The following POLN variants were observed in gnomAD, a reference collection of about 807,000 sequenced individuals.
The protein encoded by POLN is DNA polymerase nu, also known as DNA polymerase N.
In POLN, 108 loss-of-function variants were observed where a neutral mutation model predicts 113.5. The observed-to-expected ratio is 0.95, with a 90% CI of 0.81 to 1.12. POLN has a LOEUF of 1.12. POLN is among the 50% of genes most tolerant of loss of function. The pLI is 0.00. For missense variants in POLN, 1,097 were observed against 1,077.1 expected, an observed-to-expected ratio of 1.02 and a Z score of -0.26; for synonymous variants, 386 against 391.5, an observed-to-expected ratio of 0.99 and a Z score of 0.17.
At chr4:2,240,950 T>C (rs2108781840) in intron 2 of POLN, 1 of 1,583,084 alleles carries the variant, frequency 6.3e-7, no homozygotes, top group East Asian at 2.2e-5. Flanking sequence ...AACTCATGGT[T>C]TTAACTACCC....
Position 2,240,047 on chromosome 4 carries a change from T to C in POLN, c.-13+1473A>G, listed in dbSNP as rs201154099. On this transcript the variant is annotated intron_variant, in intron 2 of 25. Transcript: ENST00000511885. ...CATTTCTTATGCTTACCTTGCTGGT[T>C]AGGCTGTGAAGACTCTCCTCTGCCC... is the stretch of plus-strand genomic sequence containing the variant. 4.0e-5 allele frequency: 64 copies of C among 1,612,420 alleles called. No individual in the cohort carries two copies. In the East Asian group the frequency reaches 1.4e-3, roughly 35 times the overall value.
At chr4:2,142,542 C>T (rs896448135) in intron 16 of POLN, among the ~76,000 whole-genome samples, 5 of 152,188 alleles carry the variant, frequency 3.3e-5, no homozygotes, top group South Asian at 2.1e-4. Flanking sequence ...GGAGAAAATA[C>T]GGCAGACTGG....
At chr4:2,076,193 GGGT>G (rs1730270394) in intron 23 of POLN, among the ~76,000 whole-genome samples, 2 of 152,188 alleles carry the variant, frequency 1.3e-5, no homozygotes, top group South Asian at 4.1e-4. Flanking sequence ...CAGGTCCCTG[GGGT>G]GGGGCTCACA....
At chr4:2,207,496 T>C (rs949168162) in intron 5 of POLN, among the ~76,000 whole-genome samples, 2 of 152,048 alleles carry the variant, frequency 1.3e-5, no homozygotes, top group Non-Finnish European at 2.9e-5. Flanking sequence ...AAATAATATA[T>C]CTTATAAGAG....
chr4:2,236,419 CTTT>C (rs1560104524), intron 2 of POLN: 1 of 1,613,140 alleles, frequency 6.2e-7, no homozygotes, highest in East Asian at 2.2e-5. Context: ...AGAAACAATT[CTTT>C]TTTCTTATTC....
chr4:2,159,903 G>GT (rs1394327438), intron 13 of POLN, among the ~76,000 whole-genome samples: 1 of 140,822 alleles, frequency 7.1e-6, no homozygotes, highest in Non-Finnish European at 1.5e-5. Context: ...ATGGATATGT[G>GT]TTTTTTTCCA....
At chr4:2,241,462 T>G (rs1734984565) in intron 2 of POLN, 58 bp downstream of exon 2, 2 of 980,860 alleles carry the variant, frequency 2.0e-6, no homozygotes, top group Non-Finnish European at 2.4e-6. Context: ...CTGCCCTCCG[T>G]ACGTAAGAAG....
At chr4:2,222,491 A>G (rs887192179) in intron 3 of POLN, among the ~76,000 whole-genome samples, 3 of 152,196 alleles carry the variant, frequency 2.0e-5, no homozygotes, top group African/African-American at 7.2e-5. Flanking sequence ...GAGCCTGATC[A>G]GACCTCCAGC....
At chr4:2,149,997 C>T (rs567630951) in intron 16 of POLN, among the ~76,000 whole-genome samples, 5 of 151,906 alleles carry the variant, frequency 3.3e-5, no homozygotes, top group East Asian at 3.9e-4. Flanking sequence ...GCAGGAGAAT[C>T]GCTTGAACCC....
At chr4:2,167,089 T>C (rs917039168) in intron 13 of POLN, among the ~76,000 whole-genome samples, 2 of 152,066 alleles carry the variant, frequency 1.3e-5, no homozygotes, top group African/African-American at 4.8e-5. Context: ...AGGGCCACAA[T>C]AGTGTTTGCT....
At chr4:2,137,510 G>A (rs929890343) in intron 16 of POLN, among the ~76,000 whole-genome samples, 12 of 152,182 alleles carry the variant, frequency 7.9e-5, no homozygotes, top group African/African-American at 1.4e-4. Flanking sequence ...GCAGCTCGTG[G>A]AGCCTGACCT....
At chr4:2,122,763 C>A (rs1731475731) in intron 19 of POLN, among the ~76,000 whole-genome samples, 1 of 151,936 alleles carries the variant, frequency 6.6e-6, no homozygotes, top group African/African-American at 2.4e-5. Context: ...TATTTTACCA[C>A]AATGAAAAAA....
intron 19 of POLN, among the ~76,000 whole-genome samples, 198 bp from the exon 20 acceptor site, chr4:2,096,131 G>A (rs1030661470): frequency 3.9e-5 from 6 of 152,168 alleles, no homozygotes; most frequent in South Asian, 2.1e-4. Flanking sequence ...TGCCTTCGGC[G>A]AGGCTGCAGC....
At chr4:2,240,505 G>A (rs1339478083) in intron 2 of POLN, 2 of 1,613,858 alleles carry the variant, frequency 1.2e-6, no homozygotes, top group Non-Finnish European at 1.7e-6. Context: ...CTCTGCTTCA[G>A]CTTTTTAGTG....
chr4:2,226,332 C>G (rs1191679800), intron 3 of POLN, among the ~76,000 whole-genome samples: 2 of 152,136 alleles, frequency 1.3e-5, no homozygotes, highest in African/African-American at 2.4e-5. Flanking sequence ...CCTCAGAAAA[C>G]AAGGATGGAT....
At chr4:2,202,828 C>T (rs186684327) in intron 5 of POLN, among the ~76,000 whole-genome samples, 13 of 151,142 alleles carry the variant, frequency 8.6e-5, no homozygotes, top group Non-Finnish European at 1.5e-4. Context: ...ATGCACCTAA[C>T]GCTGAAGTGC....
chr4:2,177,251 G>A (rs1429205551), intron 8 of POLN: 6 of 468,950 alleles, frequency 1.3e-5, no homozygotes, highest in Admixed American at 6.7e-5. Flanking sequence ...ACAGCTGCAC[G>A]AGGAGCCCCT....
At chr4:2,235,890 A>T (rs1734746083) in intron 2 of POLN, among the ~76,000 whole-genome samples, 1 of 152,196 alleles carries the variant, frequency 6.6e-6, no homozygotes, top group African/African-American at 2.4e-5. Context: ...AAGTGTACAC[A>T]GAGGATTTTA....
intron 4 of POLN, 123 bp from the exon 5 acceptor site, chr4:2,208,610 T>C: frequency 2.6e-6 from 2 of 760,668 alleles, no homozygotes; most frequent in Non-Finnish European, 3.9e-6. Context: ...ATATTACCTA[T>C]GATCAAACCT....
Sources: gnomAD v4.1 joint callset for allele counts (sites outside exome capture counted in the v4.1 genomes callset) on GRCh38, gnomAD v4.1.1 for gene constraint, MANE v1.5 for transcripts, NCBI Gene and HGNC (gene_info 2026-07-23, HGNC 2026-07-21) for gene names.